The following ZNF804B variants were observed in gnomAD, a reference collection of about 807,000 sequenced individuals.
ZNF804B encodes the protein zinc finger protein 804B.
Under a neutral mutation model 101.4 loss-of-function variants are expected in ZNF804B, and 80 were observed. The observed-to-expected ratio is 0.79, with a 90% CI of 0.66 to 0.95. ZNF804B has a LOEUF of 0.95. Ranked by LOEUF, ZNF804B falls within the 40% of genes least tolerant of loss-of-function variation. The probability of loss-of-function intolerance (pLI) is 0.00; values close to 1 mark genes in which losing one functional copy is unlikely to be tolerated. For synonymous variants in ZNF804B, 622 were observed against 558.8 expected (o/e 1.11, Z -1.59); for missense variants, 1,673 against 1,561.9 (o/e 1.07, Z -1.20).
chr7:88,766,691 A>G (rs1789988589), intron 1 of ZNF804B, among the ~76,000 whole-genome samples: 2 of 152,178 alleles, frequency 1.3e-5, no homozygotes, highest in South Asian at 4.2e-4. Context: ...TTATTTTTAC[A>G]TTTATATTTT....
intron 1 of ZNF804B, among the ~76,000 whole-genome samples, chr7:89,137,984 G>A (rs1315229939): frequency 6.6e-6 from 1 of 152,138 alleles, no homozygotes; most frequent in Non-Finnish European, 1.5e-5. Context: ...GTACAGCTCA[G>A]GCCATGGCTT....
chr7:89,034,392 C>T (rs994732125), intron 1 of ZNF804B, among the ~76,000 whole-genome samples: 3 of 151,944 alleles, frequency 2.0e-5, no homozygotes, highest in Non-Finnish European at 2.9e-5. Flanking sequence ...TAATGCTATC[C>T]CTCCCCTAGC....
intron 1 of ZNF804B, among the ~76,000 whole-genome samples, chr7:89,018,092 C>T (rs1394101236): frequency 2.0e-5 from 3 of 151,968 alleles, no homozygotes; most frequent in Admixed American, 6.6e-5. Context: ...TTCGCATGTT[C>T]GATATATTAG....
At chr7:89,224,735 T>C (rs1162863233) in intron 2 of ZNF804B, among the ~76,000 whole-genome samples, 1 of 99,526 alleles carries the variant, frequency 1.0e-5, no homozygotes. Context: ...TGTGTGTGTG[T>C]GTGTGTGTGT....
intron 1 of ZNF804B, among the ~76,000 whole-genome samples, chr7:88,837,387 A>C (rs10280908): frequency 0.039 from 5,921 of 152,008 alleles, 402 homozygotes; most frequent in African/African-American, 0.14. Context: ...CCCAATACTT[A>C]GATTTTTCTG....
chr7:88,933,695 AAAAC>A (rs1018249606), intron 1 of ZNF804B, among the ~76,000 whole-genome samples: 3 of 151,288 alleles, frequency 2.0e-5, no homozygotes, highest in Non-Finnish European at 3.0e-5. Context: ...ACAGCTGCAA[AAAAC>A]AAACAAGGAG....
intron 1 of ZNF804B, among the ~76,000 whole-genome samples, chr7:88,852,652 T>G (rs1526255): frequency 1.3e-5 from 2 of 152,126 alleles, no homozygotes; most frequent in Admixed American, 1.3e-4. Context: ...GAGTGTTTAC[T>G]CTGTTCCATT....
intron 1 of ZNF804B, among the ~76,000 whole-genome samples, chr7:88,967,111 A>G (rs1048245175): frequency 6.6e-6 from 1 of 151,468 alleles, no homozygotes; most frequent in Non-Finnish European, 1.5e-5. Flanking sequence ...TCAGTTTTTG[A>G]TAGTATAAAA....
intron 1 of ZNF804B, among the ~76,000 whole-genome samples, chr7:88,872,914 A>G (rs1791860395): frequency 6.6e-6 from 1 of 151,714 alleles, no homozygotes; most frequent in Non-Finnish European, 1.5e-5. Flanking sequence ...ATTGTGAATA[A>G]TGCCGCAATA....
intron 1 of ZNF804B, among the ~76,000 whole-genome samples, chr7:88,769,954 C>G (rs768872279): frequency 6.6e-6 from 1 of 152,010 alleles, no homozygotes; most frequent in Non-Finnish European, 1.5e-5. Context: ...GGTAGACATA[C>G]AGAAAGAAAG....
chr7:89,271,395 C>T (rs2115839472), intron 2 of ZNF804B, among the ~76,000 whole-genome samples: 1 of 152,274 alleles, frequency 6.6e-6, no homozygotes, highest in East Asian at 1.9e-4. Context: ...GTTCAACCAG[C>T]CTTGCATCCC....
At position 88,894,509 on chromosome 7, in the gene ZNF804B, GC is replaced by G. The variant is rs1455624134; in HGVS notation, c.108+134428del. 1.3e-5 allele frequency among the ~76,000 whole-genome samples: 2 copies of G among 152,120 alleles called. 1 individual carries two copies. The highest frequency in any genetic ancestry group is 4.1e-4 in the South Asian group (2 of 4,820). On this transcript the variant is annotated intron_variant, in intron 1 of 3. Coordinates refer to ENST00000333190, the MANE Select transcript of ZNF804B (RefSeq NM_181646.5). ...TTACAGATGTGAGCCACCGCCCCTG[GC>G]CCAATCATACGCTATTAATAGCATA...
At chr7:88,943,407 G>A (rs565128190) in intron 1 of ZNF804B, among the ~76,000 whole-genome samples, 2 of 151,914 alleles carry the variant, frequency 1.3e-5, no homozygotes, top group South Asian at 2.1e-4. Context: ...GGACTTTTCT[G>A]TTAGCAAGCA....
chr7:89,130,135 C>T (rs1198587396), intron 1 of ZNF804B, among the ~76,000 whole-genome samples: 2 of 151,844 alleles, frequency 1.3e-5, no homozygotes, highest in African/African-American at 4.8e-5. Flanking sequence ...GAAAAGACTA[C>T]TGGAGTGGTT....
intron 1 of ZNF804B, among the ~76,000 whole-genome samples, chr7:88,945,947 G>C (rs915121146): frequency 1.3e-5 from 2 of 152,128 alleles, no homozygotes; most frequent in African/African-American, 4.8e-5. Context: ...TTTGTATCCT[G>C]AGACTTTGCT....
chr7:88,940,027 T>TA (rs1292838163), intron 1 of ZNF804B, among the ~76,000 whole-genome samples: 1 of 151,622 alleles, frequency 6.6e-6, no homozygotes, highest in Non-Finnish European at 1.5e-5. Flanking sequence ...AAAACACAAT[T>TA]AAAAAATCTT....
At chr7:88,993,129 C>T (rs1409672584) in intron 1 of ZNF804B, among the ~76,000 whole-genome samples, 6 of 151,742 alleles carry the variant, frequency 4.0e-5, no homozygotes, top group African/African-American at 1.4e-4. Flanking sequence ...ATGCTTTATC[C>T]ATTATGAAAT....
intron 1 of ZNF804B, among the ~76,000 whole-genome samples, chr7:88,796,067 T>C (rs949154075): frequency 6.6e-6 from 1 of 152,094 alleles, no homozygotes; most frequent in African/African-American, 2.4e-5. Context: ...ATGGTGAATA[T>C]ATGATGAGAA....
In ZNF804B at chr7:88,926,936, T is replaced by TGGCG. The variant is rs1554346814; in HGVS notation, c.108+166854_108+166855insCGGG. 2.0e-4 allele frequency among the ~76,000 whole-genome samples: 17 copies of TGGCG among 85,472 alleles called. No homozygotes were observed. In the South Asian group the frequency reaches 7.3e-3, roughly 36 times the overall value. The allele number at this position is 85,472 out of a possible 152,430, so 56.1% of individuals were successfully genotyped here. ...CCACACTTAGATGTCTGCCGGGTGG[T>TGGCG]GGGGAGCGGGGGGAAAGCTGTTCTG... On this transcript the variant is annotated intron_variant, in intron 1 of 3. Coordinates refer to ENST00000333190, the MANE Select transcript of ZNF804B (RefSeq NM_181646.5).
Sources: allele counts gnomAD v4.1 joint callset (sites outside exome capture counted in the v4.1 genomes callset), GRCh38; gene constraint gnomAD v4.1.1; transcripts MANE v1.5; gene names NCBI Gene and HGNC (gene_info 2026-07-23, HGNC 2026-07-21).